Variants in CPZ observed in about 807,000 individuals in gnomAD.
CPZ encodes VEZT/CPZ fusion.
CPZ carries 103 observed loss-of-function variants against 61.8 expected under a neutral mutation model. That is an observed-to-expected ratio of 1.67 (90% CI 1.42 to 1.96). The LOEUF is 1.96. CPZ is among the 30% of genes most tolerant of loss of function. The pLI is 0.00. For missense variants in CPZ, 1,461 were observed against 914.9 expected (o/e 1.60, Z -7.70); for synonymous variants, 551 against 373.7 (o/e 1.47, Z -5.47).
Position 8,614,341 on chromosome 4 carries a change from G to A in CPZ, c.1364-18G>A, listed in dbSNP as rs202193707. 2.4e-4 allele frequency: 386 copies of A among 1,607,278 alleles called. 3 individuals carry two copies. Among genetic ancestry groups the A allele is most frequent in the East Asian group, 8.9e-4 (40 of 44,766 alleles). ...TGCGGCTGACACCCCTGACGTCCCC[G>A]CTGTCTCTGTGCCACAGGCATGTCC... On this transcript the variant is annotated intron_variant, in intron 8 of 10. Transcript: ENST00000360986.
rs771318613 is a variant in CPZ, at chr4:8,607,404, T to A, written c.1206T>A (p.Phe402Leu). Residue 402 changes from phenylalanine to leucine, a missense_variant, in exon 7 of 11, where the codon TTT becomes TTA. By Grantham distance (22) the Phe-to-Leu change is conservative. Transcript: ENST00000360986. ...AGCACCCCCAGGAGGAGAAGATGTT[T>A]TCTCCCACGCCCGACGAGAAGGTGA... ...FSKHPQEEKM[F>L]SPTPDEKMFK... 1 of 1,614,006 alleles carries A rather than the reference T, an allele frequency of 6.2e-7. No individual in the cohort carries two copies. The highest frequency in any genetic ancestry group is 8.5e-7 in the Non-Finnish European group (1 of 1,179,922).
intron 2 of CPZ, chr4:8,600,830 G>C: frequency 2.5e-6 from 2 of 813,222 alleles, no homozygotes; most frequent in Non-Finnish European, 3.2e-6. Flanking sequence ...CTGCCTTCAC[G>C]GGCCCTTGTG....
intron 1 of CPZ, among the ~76,000 whole-genome samples, chr4:8,594,674 C>T (rs767041576): frequency 4.6e-5 from 7 of 152,120 alleles, no homozygotes; most frequent in Non-Finnish European, 8.8e-5. Context: ...CAGTGCTGTC[C>T]AACAGAAACA....
rs1489593336 is a variant in CPZ at position 8,606,202 on chromosome 4, C to T, written c.906+17C>T. On this transcript the variant is annotated intron_variant, in intron 5 of 10. Coordinates refer to ENST00000360986, the MANE Select transcript of CPZ (RefSeq NM_001014447.3). ...GCTGCCGAGGTGAGCGCCCAGATGC[C>T]TGGATCCTGTGGGCCACCGCCCGAA... is the stretch of plus-strand genomic sequence containing the variant. 1.2e-6 allele frequency: 2 copies of T among 1,606,966 alleles called. No individual in the cohort carries two copies. Among genetic ancestry groups the T allele is most frequent in the Middle Eastern group, 1.7e-4 (1 of 6,042 alleles).
At chr4:8,608,731 G>A (rs1715268149) in intron 7 of CPZ, among the ~76,000 whole-genome samples, 1 of 151,876 alleles carries the variant, frequency 6.6e-6, no homozygotes, top group Non-Finnish European at 1.5e-5. Flanking sequence ...GCTTCCCTGA[G>A]GTGGCGGTTT....
At chr4:8,593,435 G>T (rs1247137279) in intron 1 of CPZ, among the ~76,000 whole-genome samples, 1 of 152,198 alleles carries the variant, frequency 6.6e-6, no homozygotes, top group African/African-American at 2.4e-5. Context: ...GAGGGATCTG[G>T]GGCCCGGAGA....
At chr4:8,613,525 G>A (rs12648807) in intron 8 of CPZ, among the ~76,000 whole-genome samples, 3,742 of 152,320 alleles carry the variant, frequency 0.025, 84 homozygotes, top group East Asian at 0.11. Flanking sequence ...GCTACACTGG[G>A]GTCTGGGCAG....
In CPZ at chr4:8,606,780, AGAACCTGGATCT is replaced by A. The variant is rs1715050877; in HGVS notation, c.956_967del (p.Leu319_Asn322del). 6.2e-7 allele frequency: 1 copy of A among 1,614,072 alleles called. No homozygotes were observed. The highest frequency in any genetic ancestry group is 1.3e-5 in the African/African-American group (1 of 74,952). On this transcript the variant is annotated inframe_deletion, in exon 6 of 11. Transcript: ENST00000360986. ...TGGACGAGCGGGAGGCAGAACGCGC[AGAACCTGGATCT>A]GAACCGAAATTTCCCGGACCTGACG...
chr4:8,613,725 A>T (rs1016230229), intron 8 of CPZ, among the ~76,000 whole-genome samples: 1 of 152,214 alleles, frequency 6.6e-6, no homozygotes, highest in Non-Finnish European at 1.5e-5. Flanking sequence ...AGAAGCGGGT[A>T]TGGCTGGGGT....
At chr4:8,614,259 C>T in intron 8 of CPZ, 100 bp from the exon 9 acceptor site, 1 of 1,480,636 alleles carries the variant, frequency 6.8e-7, no homozygotes, top group Non-Finnish European at 9.1e-7. Context: ...CGGCTGACAC[C>T]CCGGCGTCCC....
intron 7 of CPZ, chr4:8,611,308 A>T (rs41266537): frequency 0.014 from 6,226 of 455,782 alleles, 69 homozygotes; most frequent in Non-Finnish European, 0.022. Flanking sequence ...AGCCCCCACA[A>T]AGGAGGATCT....
At chr4:8,598,162 G>A (rs1445104443) in intron 1 of CPZ, among the ~76,000 whole-genome samples, 2 of 152,196 alleles carry the variant, frequency 1.3e-5, no homozygotes, top group Non-Finnish European at 2.9e-5. Context: ...AGGAGTGCCT[G>A]GTGGAGGACT....
intron 1 of CPZ, chr4:8,597,739 C>T (rs1053082902): frequency 6.6e-6 from 1 of 152,266 alleles, no homozygotes; most frequent in African/African-American, 2.4e-5. Flanking sequence ...CTGAAACCAT[C>T]GCAGGAATGA....
rs1461342553 is a variant in CPZ at position 8,601,351 on chromosome 4, C to A, written c.350C>A (p.Pro117His). The part of the protein sequence containing the change: ...PRCEGGWVRR[P>H]CRHICEGLRE... The stretch of plus-strand genomic sequence containing the variant: ...TGTGAGGGCGGCTGGGTGCGCAGAC[C>A]CTGCCGGCACATCTGCGAGGGCCTG... The change falls in exon 3 of 11, where the codon CCC becomes CAC. Residue 117 changes from proline to histidine, a missense_variant. Pro to His is a moderately conservative substitution (Grantham distance 77). Transcript: ENST00000360986. The A allele has an allele frequency of 1.9e-6, 3 of 1,604,296 alleles. No individual in the cohort carries two copies. The highest frequency in any genetic ancestry group is 2.7e-5 in the African/African-American group (2 of 74,820).
intron 9 of CPZ, among the ~76,000 whole-genome samples, chr4:8,616,965 C>G (rs1333949974): frequency 1.3e-5 from 2 of 152,182 alleles, no homozygotes; most frequent in African/African-American, 4.8e-5. Flanking sequence ...TCATGGATTC[C>G]ATGTGCTCTG....
At chr4:8,615,168 C>T (rs1368558365) in intron 9 of CPZ, among the ~76,000 whole-genome samples, 9 of 152,136 alleles carry the variant, frequency 5.9e-5, no homozygotes, top group South Asian at 4.2e-4. Flanking sequence ...TGACTACTAT[C>T]GTGAGGCTGA....
At chr4:8,607,220 C>T (rs754597074) in intron 6 of CPZ, 47 bp from the exon 7 acceptor site, 6 of 1,595,144 alleles carry the variant, frequency 3.8e-6, no homozygotes, top group Non-Finnish European at 5.1e-6. Context: ...GGCTGCGGGC[C>T]AGTGGGAAAG....
chr4:8,603,181 G>A (rs1482717635), intron 3 of CPZ: 1 of 152,278 alleles, frequency 6.6e-6, no homozygotes, highest in Non-Finnish European at 1.5e-5. Flanking sequence ...ACTCTCTGTG[G>A]ACCCAGGAAC....
intron 3 of CPZ, chr4:8,603,696 C>T (rs970030356): frequency 3.8e-6 from 2 of 527,890 alleles, no homozygotes; most frequent in Admixed American, 3.4e-5. Flanking sequence ...TTTCTGTTGT[C>T]CTGCTCCGTA....
Sources: allele counts gnomAD v4.1 joint callset (sites outside exome capture counted in the v4.1 genomes callset), GRCh38; gene constraint gnomAD v4.1.1; transcripts MANE v1.5; gene names NCBI Gene and HGNC (gene_info 2026-07-23, HGNC 2026-07-21).